Variants in PHACTR3 observed in about 807,000 individuals in gnomAD.
PHACTR3 encodes the protein phosphatase and actin regulator 3.
PHACTR3 carries 16 observed loss-of-function variants against 66.8 expected under a neutral mutation model. The observed-to-expected ratio is 0.24, with a 90% CI of 0.16 to 0.36. The LOEUF (loss-of-function observed/expected upper bound fraction) is 0.36. PHACTR3 is among the 10% of genes least tolerant of loss of function. The probability of loss-of-function intolerance (pLI) is 1.00; values close to 1 mark genes in which losing one functional copy is unlikely to be tolerated. For synonymous variants in PHACTR3, 323 were observed against 292.1 expected (o/e 1.11, Z -1.08); for missense variants, 647 against 719.9 (o/e 0.90, Z 1.16).
Position 59,841,323 on chromosome 20 carries a change from C to T in PHACTR3, c.1447-72C>T, listed in dbSNP as rs1385897997. 7.0e-6 allele frequency: 10 copies of T among 1,424,940 alleles called. No individual in the cohort carries two copies. In the East Asian group the frequency reaches 2.1e-4, roughly 30 times the overall value. 88.3% of individuals were successfully genotyped at this position (1,424,940 alleles called of 1,614,324 possible). A position where few individuals can be genotyped will look rare whatever the true frequency, so the allele number is the denominator to read the frequency against. On this transcript the variant is annotated intron_variant, in intron 10 of 12. Coordinates refer to ENST00000371015, the MANE Select transcript of PHACTR3 (RefSeq NM_080672.5). ...TTTGTTTTGTTTTTTAAGAGAAGTG[C>T]TGTTTGTTCAGAGTACTTCAAAAAA...
chr20:59,823,179 A>C (rs2042097778), intron 8 of PHACTR3, among the ~76,000 whole-genome samples: 3 of 152,214 alleles, frequency 2.0e-5, no homozygotes, highest in Non-Finnish European at 4.4e-5. Context: ...ATACATGGTA[A>C]AAAATAAAAC....
At chr20:59,751,286 C>T (rs1315311451) in intron 3 of PHACTR3, among the ~76,000 whole-genome samples, 4 of 152,140 alleles carry the variant, frequency 2.6e-5, no homozygotes. Flanking sequence ...CTCCTGTGGC[C>T]GGCCAGGCTC....
At chr20:59,581,345 T>C (rs2032850713) in intron 1 of PHACTR3, among the ~76,000 whole-genome samples, 1 of 152,156 alleles carries the variant, frequency 6.6e-6, no homozygotes, top group African/African-American at 2.4e-5. Flanking sequence ...TTTCTCTCCT[T>C]TCCCCCCAGG....
chr20:59,620,951 C>T (rs184336939), intron 1 of PHACTR3, among the ~76,000 whole-genome samples: 158 of 152,296 alleles, frequency 1.0e-3, no homozygotes, highest in African/African-American at 3.7e-3. Flanking sequence ...CTAGTGTGGA[C>T]GCCTGCATGT....
chr20:59,697,988 A>G (rs2146601037), intron 1 of PHACTR3, among the ~76,000 whole-genome samples: 1 of 152,222 alleles, frequency 6.6e-6, no homozygotes, highest in African/African-American at 2.4e-5. Context: ...GGAAAAACAA[A>G]TGCTTTGACT....
intron 8 of PHACTR3, among the ~76,000 whole-genome samples, chr20:59,811,515 C>T (rs962614612): frequency 6.6e-6 from 1 of 152,162 alleles, no homozygotes; most frequent in African/African-American, 2.4e-5. Context: ...AAAAATTAGC[C>T]AGGCGTGGTG....
chr20:59,813,609 G>A (rs964108244), intron 8 of PHACTR3, among the ~76,000 whole-genome samples: 2 of 152,326 alleles, frequency 1.3e-5, no homozygotes, highest in South Asian at 4.1e-4. Context: ...AGAGATAGAT[G>A]TGTGGACCAG....
At chr20:59,704,566 T>A (rs2037630611) in intron 1 of PHACTR3, among the ~76,000 whole-genome samples, 1 of 144,864 alleles carries the variant, frequency 6.9e-6, no homozygotes, top group Non-Finnish European at 1.5e-5. Flanking sequence ...AATAGTCTTT[T>A]TTTTTTTTTT....
At position 59,672,767 on chromosome 20, in the gene PHACTR3, C is replaced by T. The variant is rs57693433; in HGVS notation, c.118+67635C>T. ...CCTCCACCATCTCTCTCCTCATCCA[C>T]GAGTCAGGTTAATCCTCCCCCTTGA... On this transcript the variant is annotated intron_variant, in intron 1 of 12. Coordinates refer to ENST00000371015, the MANE Select transcript of PHACTR3 (RefSeq NM_080672.5). Among the ~76,000 whole-genome samples, 1,123 of 152,326 alleles carry T rather than the reference C, an allele frequency of 7.4e-3. 53 individuals are homozygous for T. In the East Asian group the frequency reaches 0.13, roughly 18 times the overall value.
At chr20:59,663,731 C>T (rs933671124) in intron 1 of PHACTR3, among the ~76,000 whole-genome samples, 18 of 152,146 alleles carry the variant, frequency 1.2e-4, no homozygotes, top group African/African-American at 3.9e-4. Flanking sequence ...CTGCTGCTTT[C>T]GAGCTGTGTG....
At chr20:59,665,669 T>C (rs762844993) in intron 1 of PHACTR3, among the ~76,000 whole-genome samples, 7 of 151,912 alleles carry the variant, frequency 4.6e-5, no homozygotes, top group African/African-American at 1.5e-4. Context: ...TTGAATTGGA[T>C]GGAAACAACA....
At chr20:59,660,899 C>A (rs989559831) in intron 1 of PHACTR3, among the ~76,000 whole-genome samples, 118 of 152,214 alleles carry the variant, frequency 7.8e-4, no homozygotes, top group African/African-American at 2.8e-3. Context: ...AATCAGGAGA[C>A]CATTGCTTCA....
chr20:59,789,268 A>C (rs1254125745), intron 7 of PHACTR3, among the ~76,000 whole-genome samples: 2 of 152,108 alleles, frequency 1.3e-5, no homozygotes, highest in African/African-American at 4.8e-5. Context: ...AGTCTGGGCT[A>C]CTGAAACAGC....
intron 1 of PHACTR3, among the ~76,000 whole-genome samples, chr20:59,718,431 C>A (rs1438985595): frequency 6.6e-6 from 1 of 152,166 alleles, no homozygotes; most frequent in Non-Finnish European, 1.5e-5. Flanking sequence ...CCTCCAAGGT[C>A]TCTGACCCCA....
chr20:59,639,475 C>T (rs955837119), intron 1 of PHACTR3, among the ~76,000 whole-genome samples: 1 of 152,128 alleles, frequency 6.6e-6, no homozygotes, highest in African/African-American at 2.4e-5. Flanking sequence ...ATGGTGTGAC[C>T]TCCAGCCAAC....
chr20:59,789,085 C>A (rs748906249), intron 7 of PHACTR3, among the ~76,000 whole-genome samples: 1 of 152,186 alleles, frequency 6.6e-6, no homozygotes, highest in African/African-American at 2.4e-5. Flanking sequence ...AGGACTGTTT[C>A]GAGGCATTGA....
intron 1 of PHACTR3, among the ~76,000 whole-genome samples, chr20:59,699,230 A>G (rs1232562088): frequency 6.6e-6 from 1 of 152,236 alleles, no homozygotes; most frequent in African/African-American, 2.4e-5. Flanking sequence ...GGAGACAGCT[A>G]TGCTTCCTTT....
intron 1 of PHACTR3, among the ~76,000 whole-genome samples, chr20:59,658,432 T>A (rs2035698009): frequency 6.6e-6 from 1 of 152,108 alleles, no homozygotes; most frequent in Admixed American, 6.6e-5. Flanking sequence ...CAACTCTGGA[T>A]ACTTGTTTTC....
intron 1 of PHACTR3, 59 bp from the exon 2 acceptor site, chr20:59,743,048 C>G: frequency 6.4e-7 from 1 of 1,568,298 alleles, no homozygotes. Flanking sequence ...ACCTTGGGCC[C>G]CCAGGAGTCA....
Sources: gnomAD v4.1 joint callset for allele counts (sites outside exome capture counted in the v4.1 genomes callset) on GRCh38, gnomAD v4.1.1 for gene constraint, MANE v1.5 for transcripts, NCBI Gene and HGNC (gene_info 2026-07-23, HGNC 2026-07-21) for gene names.